COQ5: variants seen among roughly 807,000 people sequenced by gnomAD.
COQ5 encodes 2-methoxy-6-polyprenyl-1,4-benzoquinol methylase, mitochondrial.
COQ5 carries 27 observed loss-of-function variants against 40.5 expected under a neutral mutation model. That is an observed-to-expected ratio of 0.67 (90% CI 0.49 to 0.92). The LOEUF (loss-of-function observed/expected upper bound fraction) is 0.92. Among genes scored for constraint, COQ5 ranks in the 40% least tolerant of loss-of-function variants. The probability of loss-of-function intolerance (pLI) is 0.00; values close to 1 mark genes in which losing one functional copy is unlikely to be tolerated. For synonymous variants in COQ5, 141 were observed against 150.0 expected (o/e 0.94, Z 0.44); for missense variants, 409 against 406.4 (o/e 1.01, Z -0.06).
intron 6 of COQ5, 41 bp from the exon 7 acceptor site, chr12:120,503,926 A>G (rs758838177): frequency 3.8e-6 from 6 of 1,592,978 alleles, no homozygotes; most frequent in Admixed American, 1.7e-5. Context: ...GGTAGCCTGG[A>G]TATCACTGTA....
chr12:120,519,963 G>A (rs1162702405), intron 2 of COQ5, among the ~76,000 whole-genome samples: 1 of 151,686 alleles, frequency 6.6e-6, no homozygotes, highest in Non-Finnish European at 1.5e-5. Context: ...AGAGCAAGGT[G>A]TCTTCTTGCC....
intron 2 of COQ5, among the ~76,000 whole-genome samples, chr12:120,521,869 C>T (rs556327220): frequency 6.7e-6 from 1 of 149,782 alleles, no homozygotes; most frequent in Admixed American, 6.7e-5. Flanking sequence ...TGGTGGAGTA[C>T]GCCCGTAGTC....
At chr12:120,518,028 A>G (rs1323430567) in intron 2 of COQ5, among the ~76,000 whole-genome samples, 2 of 152,010 alleles carry the variant, frequency 1.3e-5, no homozygotes, top group African/African-American at 4.8e-5. Flanking sequence ...GCTGGTCTCG[A>G]ACTCTTGACC....
intron 1 of COQ5, 115 bp from the exon 2 acceptor site, chr12:120,522,478 A>AACT (rs932095062): frequency 2.1e-6 from 2 of 969,242 alleles, no homozygotes; most frequent in Non-Finnish European, 3.3e-6. Flanking sequence ...TGCAAGGTGA[A>AACT]ACTAAGTCGT....
At chr12:120,522,942 G>A (rs998637614) in intron 1 of COQ5, 5 of 629,236 alleles carry the variant, frequency 7.9e-6, no homozygotes, top group Non-Finnish European at 1.4e-5. Context: ...GGCACTGTTG[G>A]CCTGCATCTT....
intron 3 of COQ5, among the ~76,000 whole-genome samples, chr12:120,512,625 C>T (rs570637399): frequency 1.1e-3 from 171 of 151,830 alleles, no homozygotes; most frequent in Middle Eastern, 3.4e-3. Context: ...AATAAACAAA[C>T]AAATAAATAA....
At chr12:120,522,486 C>T (rs567333924) in intron 1 of COQ5, 123 bp from the exon 2 acceptor site, 142 of 876,730 alleles carry the variant, frequency 1.6e-4, no homozygotes, top group Admixed American at 2.9e-4. Flanking sequence ...GAAACTAAGT[C>T]GTAATGCTTG....
At chr12:120,523,738 G>A (rs1869786170) in intron 1 of COQ5, 3 of 219,450 alleles carry the variant, frequency 1.4e-5, no homozygotes, top group East Asian at 1.7e-4. Flanking sequence ...TACAGGGCAC[G>A]GTGGCTCTTG....
At chr12:120,507,741 G>A (rs1347581262) in intron 4 of COQ5, among the ~76,000 whole-genome samples, 2 of 148,768 alleles carry the variant, frequency 1.3e-5, no homozygotes, top group Non-Finnish European at 3.0e-5. Context: ...TACAAAATTA[G>A]TCGGGCATGG....
chr12:120,519,986 A>G (rs933232140), intron 2 of COQ5, among the ~76,000 whole-genome samples: 8 of 151,890 alleles, frequency 5.3e-5, no homozygotes, highest in African/African-American at 1.7e-4. Flanking sequence ...CTGAGCTTCC[A>G]TTTGGGGAGA....
intron 1 of COQ5, among the ~76,000 whole-genome samples, chr12:120,525,006 T>C (rs1249289915): frequency 2.0e-5 from 3 of 150,818 alleles, no homozygotes; most frequent in African/African-American, 7.3e-5. Context: ...AGAGATGGGG[T>C]TTCACTGCTA....
At chr12:120,508,898 G>T (rs1034388177) in intron 4 of COQ5, among the ~76,000 whole-genome samples, 14 of 151,994 alleles carry the variant, frequency 9.2e-5, no homozygotes, top group Admixed American at 7.2e-4. Flanking sequence ...GGTGGCACAC[G>T]CCTGTAGTCC....
intron 1 of COQ5, among the ~76,000 whole-genome samples, chr12:120,525,786 G>A (rs578026214): frequency 6.2e-4 from 94 of 152,006 alleles, no homozygotes; most frequent in African/African-American, 2.1e-3. Flanking sequence ...CTAGCTGGGC[G>A]TGGTGGTGGG....
rs545175037 is a variant in COQ5, at chr12:120,528,864, A to T, written c.202+76T>A. On this transcript the variant is annotated intron_variant, in intron 1 of 6. Transcript: ENST00000288532. The stretch of plus-strand genomic sequence containing the variant: ...AACACTGGAACTAATTGGATGTTAA[A>T]TCAACCCTAACTGGCCAGAAGAAAC... 3.8e-5 allele frequency: 52 copies of T among 1,367,018 alleles called. 1 individual carries two copies. Among genetic ancestry groups the T allele is most frequent in the Admixed American group, 3.5e-4 (21 of 59,644 alleles). The allele number at this position is 1,367,018 out of a possible 1,614,324, so 84.7% of individuals were successfully genotyped here.
chr12:120,508,972 C>T (rs921669203), intron 4 of COQ5, among the ~76,000 whole-genome samples: 1 of 151,278 alleles, frequency 6.6e-6, no homozygotes, highest in Non-Finnish European at 1.5e-5. Context: ...TTGTAGTGAG[C>T]CAAGATCGCG....
rs759394616 is a variant in COQ5 at position 120,503,841 on chromosome 12, C to T, written c.927G>A (p.Val309=). 1 of 1,614,172 alleles carries T rather than the reference C, an allele frequency of 6.2e-7. No homozygotes were observed. Among genetic ancestry groups the T allele is most frequent in the Non-Finnish European group, 8.5e-7 (1 of 1,180,006 alleles). ...TGCCTGATGTTAGACTTTCGTAAGTCACCTTGTGAAAGCCTGCATCTTCTA... is the reference window on the plus strand; with the variant it reads ...TGCCTGATGTTAGACTTTCGTAAGTTACCTTGTGAAAGCCTGCATCTTCTA... ...DMIEDAGFHK[V]TYESLTSGIV... Residue 309 remains valine (V), a synonymous_variant, in exon 7 of 7, where the codon GTG becomes GTA. Transcript: ENST00000288532.
In COQ5 at chr12:120,508,752, G is replaced by A. The variant is rs917493965; in HGVS notation, c.681+1265C>T. On this transcript the variant is annotated intron_variant, in intron 4 of 6. Coordinates refer to ENST00000288532, the MANE Select transcript of COQ5 (RefSeq NM_032314.4). ...TATTAAAAAATTTTTTTCCCCAGGCGTGGTGGCTCACGACTGTAATCCCAG... is the reference window on the plus strand; with the variant it reads ...TATTAAAAAATTTTTTTCCCCAGGCATGGTGGCTCACGACTGTAATCCCAG... 5.9e-5 allele frequency among the ~76,000 whole-genome samples: 9 copies of A among 152,060 alleles called. 1 individual carries two copies. The highest frequency in any genetic ancestry group is 1.9e-4 in the African/African-American group (8 of 41,510).
At position 120,503,776 on chromosome 12, in the gene COQ5, G is replaced by C. The variant is rs758897426; in HGVS notation, c.*8C>G. ...ATGACTGGTTCATGCTCCATGATAG[G>C]AAAGGAATTAAAGTTTGAAGCCAGA... On this transcript the variant is annotated 3_prime_UTR_variant, in exon 7 of 7. Transcript: ENST00000288532. 7 of 1,604,224 alleles carry C rather than the reference G, an allele frequency of 4.4e-6. No homozygotes were observed. Among genetic ancestry groups the C allele is most frequent in the Non-Finnish European group, 5.1e-6 (6 of 1,170,986 alleles).
chr12:120,508,887 T>C (rs181643568), intron 4 of COQ5, among the ~76,000 whole-genome samples: 1 of 152,128 alleles, frequency 6.6e-6, no homozygotes, highest in Non-Finnish European at 1.5e-5. Flanking sequence ...TAGCTGGGCG[T>C]GGTGGCACAC....
Sources: allele counts gnomAD v4.1 joint callset (sites outside exome capture counted in the v4.1 genomes callset), GRCh38; gene constraint gnomAD v4.1.1; transcripts MANE v1.5; gene names NCBI Gene and HGNC (gene_info 2026-07-23, HGNC 2026-07-21).